PTPRQ: variants seen among roughly 807,000 people sequenced by gnomAD.
PTPRQ encodes phosphatidylinositol phosphatase PTPRQ.
PTPRQ carries 199 observed loss-of-function variants against 246.0 expected under a neutral mutation model. The observed-to-expected ratio is 0.81, with a 90% confidence interval of 0.72 to 0.91. The LOEUF (loss-of-function observed/expected upper bound fraction) is 0.91, where lower values mean the gene tolerates loss of function less well. Among genes scored for constraint, PTPRQ ranks in the 40% least tolerant of loss-of-function variants. The pLI is 0.00. For synonymous variants in PTPRQ, 869 were observed against 853.2 expected (o/e 1.02, Z -0.32); for missense variants, 2,624 against 2,528.4 (o/e 1.04, Z -0.81).
At chr12:80,521,359 T>G (rs1401826665) in intron 17 of PTPRQ, among the ~76,000 whole-genome samples, 1 of 152,192 alleles carries the variant, frequency 6.6e-6, no homozygotes, top group Non-Finnish European at 1.5e-5. Flanking sequence ...AGAAGCTCTT[T>G]AGTTTAATTA....
chr12:80,658,801 A>C (rs945384409), intron 39 of PTPRQ, among the ~76,000 whole-genome samples: 1 of 151,952 alleles, frequency 6.6e-6, no homozygotes, highest in Admixed American at 6.6e-5. Flanking sequence ...CTACAAATAC[A>C]TGAAGATTTC....
chr12:80,665,576 G>T (rs1267118115), intron 39 of PTPRQ, among the ~76,000 whole-genome samples: 1 of 151,822 alleles, frequency 6.6e-6, no homozygotes, highest in Non-Finnish European at 1.5e-5. Flanking sequence ...AAAAACACAG[G>T]CAGTAAAAGC....
rs1263297106 is a variant in PTPRQ, at chr12:80,590,681, A to C, written c.4609+2229A>C. ...GACTCCGTCTCAAAAAAAAAAAAAA[A>C]AAAAAAAAAACTATCCAATGTACTC... On this transcript the variant is annotated intron_variant, in intron 26 of 44. Transcript: ENST00000644991. 1.0e-4 allele frequency among the ~76,000 whole-genome samples: 15 copies of C among 150,658 alleles called. No homozygotes were observed. The East Asian group carries it at 2.3e-3, about 23-fold the overall frequency.
chr12:80,549,951 A>G (rs1487434004), intron 25 of PTPRQ, among the ~76,000 whole-genome samples: 1 of 152,140 alleles, frequency 6.6e-6, no homozygotes, highest in East Asian at 1.9e-4. Context: ...GAGGAAAAAA[A>G]GAGAGATGAT....
chr12:80,566,439 G>C (rs139047237), intron 25 of PTPRQ, among the ~76,000 whole-genome samples: 5,544 of 151,934 alleles, frequency 0.036, 344 homozygotes, highest in African/African-American at 0.13. Context: ...GATTGCACCA[G>C]TGCACTCCAG....
chr12:80,642,842 C>T (rs1258773979), intron 35 of PTPRQ, among the ~76,000 whole-genome samples: 1 of 143,952 alleles, frequency 6.9e-6, no homozygotes, highest in East Asian at 2.1e-4. Context: ...ATGGCGTGAA[C>T]CCGGGAGGCG....
intron 24 of PTPRQ, among the ~76,000 whole-genome samples, chr12:80,548,644 T>G (rs11832223): frequency 0.048 from 7,375 of 152,096 alleles, 221 homozygotes; most frequent in African/African-American, 0.073. Flanking sequence ...TTTTCATTGT[T>G]TGTAATCCAC....
rs190427025 is a variant in PTPRQ at position 80,607,345 on chromosome 12, C to T, written c.4731+2165C>T. Among the ~76,000 whole-genome samples the T allele has an allele frequency of 5.2e-3, 789 of 150,976 alleles. 3 individuals carry two copies. The highest frequency in any genetic ancestry group is 0.018 in the African/African-American group (729 of 41,394). ...CATAAATATAGCCTCACCAAAACTC[C>T]TTTAGATCAACAATAGCAAGAACAG... is the stretch of plus-strand genomic sequence containing the variant. On this transcript the variant is annotated intron_variant, in intron 27 of 44. Coordinates refer to ENST00000644991, the MANE Select transcript of PTPRQ (RefSeq NM_001145026.2).
chr12:80,571,758 T>G (rs2120957920), intron 25 of PTPRQ, among the ~76,000 whole-genome samples: 1 of 152,238 alleles, frequency 6.6e-6, no homozygotes, highest in South Asian at 2.1e-4. Flanking sequence ...TTAATAACTA[T>G]TTTAAAGATA....
chr12:80,538,891 G>T (rs932478072), intron 19 of PTPRQ, among the ~76,000 whole-genome samples: 1 of 152,034 alleles, frequency 6.6e-6, no homozygotes, highest in African/African-American at 2.4e-5. Flanking sequence ...AGGAAGAAAA[G>T]CTTTGAGATT....
At chr12:80,678,846 T>G (rs1225039573) in intron 44 of PTPRQ, 121 bp downstream of exon 44, 1 of 1,431,938 alleles carries the variant, frequency 7.0e-7, no homozygotes. Flanking sequence ...ACAGATCAGG[T>G]TTTTTTTCTT....
intron 43 of PTPRQ, among the ~76,000 whole-genome samples, chr12:80,674,045 A>C (rs913811159): frequency 2.6e-5 from 4 of 152,132 alleles, no homozygotes; most frequent in African/African-American, 2.4e-5. Flanking sequence ...CAAACAGGGA[A>C]GCACATGTTC....
chr12:80,644,365 T>C (rs1195490800), intron 35 of PTPRQ, among the ~76,000 whole-genome samples: 1 of 152,162 alleles, frequency 6.6e-6, no homozygotes, highest in Non-Finnish European at 1.5e-5. Context: ...ATCTGGACAG[T>C]TCCCAAATTG....
At chr12:80,595,530 T>A (rs1897940908) in intron 26 of PTPRQ, among the ~76,000 whole-genome samples, 1 of 152,100 alleles carries the variant, frequency 6.6e-6, no homozygotes. Context: ...ATGTTTGATA[T>A]ATTCAGCTTC....
intron 15 of PTPRQ, 88 bp from the exon 16 acceptor site, chr12:80,506,481 G>A: frequency 9.3e-7 from 1 of 1,070,414 alleles, no homozygotes; most frequent in Non-Finnish European, 1.3e-6. Context: ...TTGGAAGATT[G>A]TGTTGACAGC....
intron 3 of PTPRQ, among the ~76,000 whole-genome samples, chr12:80,450,846 G>C (rs969658263): frequency 3.9e-5 from 6 of 151,966 alleles, no homozygotes; most frequent in Admixed American, 3.3e-4. Context: ...TCTCTTTTTT[G>C]GTTGTGTCTC....
chr12:80,570,397 T>G (rs1897110566), intron 25 of PTPRQ, among the ~76,000 whole-genome samples: 2 of 152,182 alleles, frequency 1.3e-5, no homozygotes. Context: ...TAAATGTCTG[T>G]TCATATCCTT....
intron 35 of PTPRQ, among the ~76,000 whole-genome samples, chr12:80,644,243 G>T (rs1160364738): frequency 6.6e-6 from 1 of 152,136 alleles, no homozygotes; most frequent in Non-Finnish European, 1.5e-5. Flanking sequence ...GAGTCCAGAC[G>T]TGAAATAAGA....
At chr12:80,604,888 G>T (rs1430774214) in intron 26 of PTPRQ, among the ~76,000 whole-genome samples, 171 bp from the exon 27 acceptor site, 3 of 151,388 alleles carry the variant, frequency 2.0e-5, no homozygotes, top group African/African-American at 7.3e-5. Context: ...TAATTTTAAA[G>T]AATTGGATCT....
Sources: gnomAD v4.1 joint callset for allele counts (sites outside exome capture counted in the v4.1 genomes callset) on GRCh38, gnomAD v4.1.1 for gene constraint, MANE v1.5 for transcripts, NCBI Gene and HGNC (gene_info 2026-07-23, HGNC 2026-07-21) for gene names.